Variants in CAPZB observed in about 807,000 individuals in gnomAD.
CAPZB encodes capping actin protein of muscle Z-line subunit beta.
A neutral mutation model predicts 38.1 loss-of-function variants in CAPZB; 2 were observed. The observed-to-expected ratio is 0.05, with a 90% CI of 0.02 to 0.17. The LOEUF is 0.17. CAPZB is among the 10% of genes least tolerant of loss of function. The pLI, the probability that CAPZB is intolerant of heterozygous loss-of-function variation, is 1.00. For missense variants in CAPZB, 161 were observed against 334.2 expected, an observed-to-expected ratio of 0.48 and a Z score of 4.04; for synonymous variants, 107 against 127.4, an observed-to-expected ratio of 0.84 and a Z score of 1.08.
intron 1 of CAPZB, among the ~76,000 whole-genome samples, chr1:19,423,628 T>A (rs558120379): frequency 1.5e-4 from 22 of 148,648 alleles, no homozygotes; most frequent in African/African-American, 5.2e-4. Context: ...GGGCTCAAGC[T>A]ATCCTCCCAT....
intron 6 of CAPZB, among the ~76,000 whole-genome samples, chr1:19,348,568 G>C (rs2093974768): frequency 6.6e-6 from 1 of 152,146 alleles, no homozygotes; most frequent in African/African-American, 2.4e-5. Context: ...AAGGCCTGCT[G>C]TCTGCCAGGG....
intron 4 of CAPZB, among the ~76,000 whole-genome samples, chr1:19,377,094 T>A (rs1445106642): frequency 6.6e-6 from 1 of 152,218 alleles, no homozygotes; most frequent in East Asian, 1.9e-4. Flanking sequence ...ATTAAACCAA[T>A]TCTACTTGGG....
At chr1:19,440,027 C>T (rs992375793) in intron 1 of CAPZB, among the ~76,000 whole-genome samples, 10 of 152,142 alleles carry the variant, frequency 6.6e-5, no homozygotes, top group Admixed American at 5.9e-4. Context: ...GGGGTGCTAC[C>T]GGTTTTCCCT....
chr1:19,380,721 T>G (rs1442838762), intron 3 of CAPZB, among the ~76,000 whole-genome samples: 1 of 152,218 alleles, frequency 6.6e-6, no homozygotes, highest in African/African-American at 2.4e-5. Flanking sequence ...CTTAATTTTA[T>G]TTAATGGGAA....
intron 4 of CAPZB, among the ~76,000 whole-genome samples, chr1:19,364,049 A>C (rs538515330): frequency 6.6e-6 from 1 of 152,308 alleles, no homozygotes; most frequent in South Asian, 2.1e-4. Context: ...CTGGCCTGAG[A>C]TACCTGTGAC....
At chr1:19,476,920 G>A (rs1220531403) in intron 1 of CAPZB, among the ~76,000 whole-genome samples, 6 of 152,228 alleles carry the variant, frequency 3.9e-5, no homozygotes, top group Non-Finnish European at 7.3e-5. Context: ...AGGCAGGAGA[G>A]GGGAATTCCA....
chr1:19,363,953 G>A (rs2094069079), intron 4 of CAPZB, among the ~76,000 whole-genome samples: 1 of 152,196 alleles, frequency 6.6e-6, no homozygotes, highest in Non-Finnish European at 1.5e-5. Context: ...CATGAGCCAA[G>A]AAACAGACTC....
At chr1:19,416,733 G>A (rs931852164) in intron 2 of CAPZB, among the ~76,000 whole-genome samples, 4 of 151,696 alleles carry the variant, frequency 2.6e-5, no homozygotes, top group Non-Finnish European at 2.9e-5. Flanking sequence ...GGTGGTGGGC[G>A]CCTGTTGTCT....
At chr1:19,381,525 G>C (rs2094174580) in intron 3 of CAPZB, among the ~76,000 whole-genome samples, 1 of 152,120 alleles carries the variant, frequency 6.6e-6, no homozygotes, top group Admixed American at 6.6e-5. Flanking sequence ...CAAACCAAGA[G>C]ATGGAGCAGC....
At chr1:19,470,442 C>G (rs752772390) in intron 1 of CAPZB, among the ~76,000 whole-genome samples, 3 of 152,170 alleles carry the variant, frequency 2.0e-5, no homozygotes, top group Non-Finnish European at 4.4e-5. Flanking sequence ...GACCCAATTG[C>G]CACGAAGCTC....
At chr1:19,406,221 C>T (rs201870511) in intron 2 of CAPZB, among the ~76,000 whole-genome samples, 4 of 152,208 alleles carry the variant, frequency 2.6e-5, no homozygotes, top group East Asian at 1.9e-4. Flanking sequence ...TCCTCCCCCA[C>T]GCATCCCTTC....
chr1:19,381,417 C>T (rs920144649), intron 3 of CAPZB, among the ~76,000 whole-genome samples: 1 of 152,066 alleles, frequency 6.6e-6, no homozygotes, highest in African/African-American at 2.4e-5. Context: ...TCCCCAGTAC[C>T]CAGCCCTGAG....
At chr1:19,404,702 A>C (rs968267460) in intron 2 of CAPZB, among the ~76,000 whole-genome samples, 8 of 152,150 alleles carry the variant, frequency 5.3e-5, no homozygotes, top group African/African-American at 1.9e-4. Context: ...AAACAGGGAA[A>C]CGCAGGCTGC....
At chr1:19,343,389 T>G (rs2093943104) in intron 8 of CAPZB, among the ~76,000 whole-genome samples, 1 of 152,086 alleles carries the variant, frequency 6.6e-6, no homozygotes, top group Admixed American at 6.5e-5. Flanking sequence ...CTGCCTCTCC[T>G]CTGGGCTGGG....
Position 19,368,931 on chromosome 1 carries a change from T to C in CAPZB, c.329+9609A>G, listed in dbSNP as rs537912902. ...AGGGTCTCTGGCAGGATGGGGGAGC[T>C]TGACCAAGGGAGGGAGCTGGTCCCT... is the stretch of plus-strand genomic sequence containing the variant. On this transcript the variant is annotated intron_variant, in intron 4 of 8. Transcript: ENST00000264202. Among the ~76,000 whole-genome samples, 64 of 152,276 alleles carry C rather than the reference T, an allele frequency of 4.2e-4. No individual in the cohort carries two copies. In the South Asian group the frequency reaches 8.7e-3, roughly 21 times the overall value.
Position 19,338,966 on chromosome 1 carries a change from C to G in CAPZB, c.*564G>C, listed in dbSNP as rs895909299. 6.6e-6 allele frequency: 1 copy of G among 152,500 alleles called. No homozygotes were observed. Among genetic ancestry groups the G allele is most frequent in the African/African-American group, 2.4e-5 (1 of 41,376 alleles). 9.4% of individuals were successfully genotyped at this position (152,500 alleles called of 1,614,324 possible). On this transcript the variant is annotated 3_prime_UTR_variant, in exon 9 of 9. Transcript: ENST00000264202. ...GAAGAGCGGAACGGTCGGCGGCACC[C>G]CCCCCAGCCCCCACCCCGCGGCCTC... is the stretch of plus-strand genomic sequence containing the variant.
At chr1:19,351,925 C>T (rs920362002) in intron 6 of CAPZB, among the ~76,000 whole-genome samples, 5 of 152,178 alleles carry the variant, frequency 3.3e-5, no homozygotes, top group Non-Finnish European at 7.3e-5. Context: ...GGCCAGCTTT[C>T]CTTCTCAGCC....
chr1:19,455,269 T>C (rs562736394), intron 1 of CAPZB, among the ~76,000 whole-genome samples: 15 of 152,324 alleles, frequency 9.8e-5, no homozygotes, highest in Admixed American at 5.2e-4. Context: ...TGGAGTATGG[T>C]TAACAAAACG....
chr1:19,443,608 ATTGTTG>A lies in CAPZB; in HGVS notation c.4-23864_4-23859del, dbSNP rs61437002. On this transcript the variant is annotated intron_variant, in intron 1 of 8. Transcript: ENST00000264202. Reference sequence around the variant, plus strand: ...CTTTCTCTCAGGGTATGCTTAAGTTATTGTTGTTGTTGTTGTTGTTTTAAAAAGAAA... The same window carrying A: ...CTTTCTCTCAGGGTATGCTTAAGTTATTGTTGTTGTTGTTTTAAAAAGAAA... Among the ~76,000 whole-genome samples, 1,256 of 151,784 alleles carry A rather than the reference ATTGTTG, an allele frequency of 8.3e-3. 18 individuals are homozygous for A. The highest frequency in any genetic ancestry group is 0.027 in the African/African-American group (1,128 of 41,416).
Sources: allele counts gnomAD v4.1 joint callset (sites outside exome capture counted in the v4.1 genomes callset), GRCh38; gene constraint gnomAD v4.1.1; transcripts MANE v1.5; gene names NCBI Gene and HGNC (gene_info 2026-07-23, HGNC 2026-07-21).